Variants in DOCK11 observed in about 807,000 individuals in gnomAD.
DOCK11 encodes the protein dedicator of cytokinesis 11.
In DOCK11, 70 loss-of-function variants were observed where a neutral mutation model predicts 169.1. That is an observed-to-expected ratio of 0.41 (90% CI 0.34 to 0.51). DOCK11 has a LOEUF of 0.51. Among genes scored for constraint, DOCK11 ranks in the 20% least tolerant of loss-of-function variants. DOCK11 has a pLI of 0.10. For missense variants in DOCK11, 1,166 were observed against 1,538.8 expected (o/e 0.76, Z 4.05); for synonymous variants, 529 against 541.3 (o/e 0.98, Z 0.32).
intron 30 of DOCK11, among the ~76,000 whole-genome samples, chrX:118,618,126 G>C (rs774109546): frequency 3.6e-5 from 4 of 111,619 alleles, no homozygotes; most frequent in African/African-American, 1.3e-4. Flanking sequence ...CACTTTATAA[G>C]TATAAATGGA....
intron 19 of DOCK11, among the ~76,000 whole-genome samples, chrX:118,592,881 T>C (rs967285032): frequency 8.9e-6 from 1 of 112,756 alleles, no homozygotes; most frequent in Admixed American, 9.4e-5. Flanking sequence ...GTTGCATTCA[T>C]TGATGCAGAT....
chrX:118,601,630 A>G (rs772943449), intron 23 of DOCK11, among the ~76,000 whole-genome samples: 1 of 111,489 alleles, frequency 9.0e-6, no homozygotes, highest in South Asian at 3.7e-4. Flanking sequence ...AAGTTCTCGT[A>G]TTTGTTTTTC....
intron 1 of DOCK11, among the ~76,000 whole-genome samples, chrX:118,542,520 T>TTGTGTGTGTGTGTGTGTGTTTA (rs2012058529): frequency 9.6e-6 from 1 of 103,950 alleles, no homozygotes; most frequent in Non-Finnish European, 2.0e-5. Context: ...GTGTGTGTGT[T>TTGTGTGTGTGTGTGTGTGTTTA]TGTGTGTGTG....
intron 40 of DOCK11, among the ~76,000 whole-genome samples, chrX:118,646,341 T>C (rs910426871): frequency 2.8e-5 from 3 of 108,159 alleles, no homozygotes; most frequent in African/African-American, 3.4e-5. Context: ...AGAAGAAGAA[T>C]AACAACAACA....
intron 35 of DOCK11, chrX:118,633,639 C>T (rs2015309019): frequency 8.9e-6 from 1 of 111,980 alleles, no homozygotes; most frequent in African/African-American, 3.2e-5. Context: ...TCAAAGAGGC[C>T]TTGACTAAAA....
At chrX:118,647,705 A>AATAAGATAATATATAATAATTAATATAAT (rs1569440518) in intron 40 of DOCK11, among the ~76,000 whole-genome samples, 1,311 of 52,957 alleles carry the variant, frequency 0.025, 61 homozygotes, top group African/African-American at 0.098. Flanking sequence ...TATAATATAT[A>AATAAGATAATATATAATAATTAATATAAT]ATAATATAAT....
Position 118,499,492 on chromosome X carries a change from G to A in DOCK11, c.102+3419G>A, listed in dbSNP as rs1270271114. Among the ~76,000 whole-genome samples, 4 of 111,859 alleles carry A rather than the reference G, an allele frequency of 3.6e-5. No homozygotes were observed. In the East Asian group the frequency reaches 1.1e-3, roughly 31 times the overall value. The stretch of plus-strand genomic sequence containing the variant: ...AAAAGCTCTCCAGAAGCTGAGAATG[G>A]CTGAAAAGCGTCTGCAGCTGTTGAC... On this transcript the variant is annotated intron_variant, in intron 1 of 52. Coordinates refer to ENST00000276202, the MANE Select transcript of DOCK11 (RefSeq NM_144658.4).
At position 118,496,060 on chromosome X, in the gene DOCK11, G is replaced by A; in HGVS notation, c.89G>A (p.Gly30Asp). ...LRQSVSEAVR[G>D]SVVLEKAKVV... ...CAGAGCGTGTCTGAGGCCGTGCGGG[G>A]CTCCGTGGTGCTGGTGAGTGGCCGG... Residue 30 changes from glycine (G) to aspartate (D), a missense_variant, in exon 1 of 53, where the codon GGC (glycine) becomes GAC (aspartate). Physicochemically the swap from Gly to Asp is moderately conservative, Grantham distance 94 (BLOSUM62 -1). Transcript: ENST00000276202. 1 of 1,054,721 alleles carries A rather than the reference G, an allele frequency of 9.5e-7. No individual in the cohort carries two copies. The highest frequency in any genetic ancestry group is 1.2e-6 in the Non-Finnish European group (1 of 821,617). The allele number at this position is 1,054,721 out of a possible 1,213,427, so 86.9% of individuals were successfully genotyped here.
At chrX:118,678,524 G>A (rs2016664090) in intron 48 of DOCK11, among the ~76,000 whole-genome samples, 1 of 110,448 alleles carries the variant, frequency 9.1e-6, no homozygotes, top group Admixed American at 9.7e-5. Flanking sequence ...CCAGGCTGGA[G>A]TGCATTGGTG....
At chrX:118,647,856 ATAT>A (rs1313103183) in intron 40 of DOCK11, among the ~76,000 whole-genome samples, 2 of 53,831 alleles carry the variant, frequency 3.7e-5, no homozygotes, top group South Asian at 1.2e-3. Flanking sequence ...TTATAATATA[ATAT>A]TTAATAACAT....
chrX:118,572,478 G>T lies in DOCK11; in HGVS notation c.1176+15G>T, dbSNP rs2013308802. 1 of 1,180,252 alleles carries T rather than the reference G, an allele frequency of 8.5e-7. No individual in the cohort carries two copies. The highest frequency in any genetic ancestry group is 3.0e-5 in the East Asian group (1 of 33,317). ...CACCCACAAATGTATGTATGACTTT[G>T]CCTTCTACCCCCCTTGCATCAGTGC... On this transcript the variant is annotated intron_variant, in intron 11 of 52. Transcript: ENST00000276202.
chrX:118,619,355 T>C (rs1393401625), intron 31 of DOCK11, among the ~76,000 whole-genome samples: 5 of 103,445 alleles, frequency 4.8e-5, no homozygotes, highest in African/African-American at 1.8e-4. Flanking sequence ...ACACCTGTAG[T>C]CTTAGTTACT....
chrX:118,597,305 A>G (rs998196645), intron 20 of DOCK11, 126 bp from the exon 21 acceptor site: 45 of 896,526 alleles, frequency 5.0e-5, no homozygotes, highest in Non-Finnish European at 6.7e-5. Context: ...GTTGCCCAGC[A>G]CCTGAACTCC....
At chrX:118,578,898 C>T in intron 13 of DOCK11, among the ~76,000 whole-genome samples, 1 of 111,870 alleles carries the variant, frequency 8.9e-6, no homozygotes, top group Non-Finnish European at 1.9e-5. Flanking sequence ...TAATTGACAC[C>T]ATATCCTTGA....
At chrX:118,542,157 A>C (rs2012032276) in intron 1 of DOCK11, among the ~76,000 whole-genome samples, 1 of 109,892 alleles carries the variant, frequency 9.1e-6, no homozygotes, top group East Asian at 2.8e-4. Context: ...AGAATAACAC[A>C]GTTCTATTTC....
intron 40 of DOCK11, among the ~76,000 whole-genome samples, chrX:118,647,613 A>T (rs1203444702): frequency 1.6e-5 from 1 of 64,062 alleles, no homozygotes; most frequent in Non-Finnish European, 2.6e-5. Flanking sequence ...TATAAATATA[A>T]TATATAAGAT....
chrX:118,505,826 A>G (rs1357907949), intron 1 of DOCK11, among the ~76,000 whole-genome samples: 1 of 112,302 alleles, frequency 8.9e-6, no homozygotes, highest in African/African-American at 3.2e-5. Context: ...GGGAAACTGT[A>G]CCTGTGGCCT....
At position 118,504,216 on chromosome X, in the gene DOCK11, A is replaced by G. The variant is rs1291479653; in HGVS notation, c.102+8143A>G. On this transcript the variant is annotated intron_variant, in intron 1 of 52. Transcript: ENST00000276202. The stretch of plus-strand genomic sequence containing the variant: ...GACTTTCGTCCTTTCTGGGTTCGAC[A>G]AGGTTAAATAGGCCTTTACTAATGA... 1.3e-4 allele frequency among the ~76,000 whole-genome samples: 14 copies of G among 110,452 alleles called. No individual in the cohort carries two copies. The East Asian group carries it at 4.0e-3, about 32-fold the overall frequency.
At chrX:118,630,240 C>G (rs927390831) in intron 34 of DOCK11, 139 bp from the exon 35 acceptor site, 5 of 422,627 alleles carry the variant, frequency 1.2e-5, no homozygotes, top group Admixed American at 6.9e-5. Flanking sequence ...TCAGCCCATT[C>G]ACCTTCAAGT....
Sources: gnomAD v4.1 joint callset for allele counts (sites outside exome capture counted in the v4.1 genomes callset) on GRCh38, gnomAD v4.1.1 for gene constraint, MANE v1.5 for transcripts, NCBI Gene and HGNC (gene_info 2026-07-23, HGNC 2026-07-21) for gene names.